Variants in PCDH15 observed in about 807,000 individuals in gnomAD.
PCDH15 encodes the protein protocadherin related 15.
A neutral mutation model predicts 178.5 loss-of-function variants in PCDH15; 129 were observed. The ratio of observed to expected loss-of-function variants is 0.72; its 90% confidence interval spans 0.63 to 0.84. PCDH15 has a LOEUF of 0.84. PCDH15 is among the 40% of genes least tolerant of loss of function. The probability of loss-of-function intolerance (pLI) is 0.00; values close to 1 mark genes in which losing one functional copy is unlikely to be tolerated. For synonymous variants in PCDH15, 800 were observed against 732.0 expected (o/e 1.09, Z -1.50); for missense variants, 2,230 against 2,099.9 (o/e 1.06, Z -1.21).
chr10:54,122,002 TAC>T (rs57135050), intron 15 of PCDH15, among the ~76,000 whole-genome samples: 273 of 146,440 alleles, frequency 1.9e-3, no homozygotes, highest in Non-Finnish European at 2.1e-3. Flanking sequence ...CAAAGACACA[TAC>T]ACACACACAC....
Position 54,150,308 on chromosome 10 carries a change from G to T in PCDH15, c.1784+2792C>A, listed in dbSNP as rs189199459. ...ATGAGAATCTAATACTCCACCAACCGTATCTCTGTGATTAATGATGATCAC... is the reference window on the plus strand; with the variant it reads ...ATGAGAATCTAATACTCCACCAACCTTATCTCTGTGATTAATGATGATCAC... On this transcript the variant is annotated intron_variant, in intron 14 of 37. Coordinates refer to ENST00000644397, the MANE Select transcript of PCDH15 (RefSeq NM_001384140.1). Among the ~76,000 whole-genome samples the T allele has an allele frequency of 3.4e-4, 51 of 152,152 alleles. No homozygotes were observed. In the South Asian group the frequency reaches 4.8e-3, roughly 14 times the overall value.
intron 8 of PCDH15, among the ~76,000 whole-genome samples, chr10:54,264,170 T>A (rs924610414): frequency 2.6e-5 from 4 of 152,148 alleles, no homozygotes; most frequent in African/African-American, 9.7e-5. Flanking sequence ...GGACTTTAAC[T>A]TGTGATTGTG....
At chr10:53,816,866 T>G (rs1207696249) in intron 34 of PCDH15, among the ~76,000 whole-genome samples, 1 of 152,224 alleles carries the variant, frequency 6.6e-6, no homozygotes, top group Non-Finnish European at 1.5e-5. Context: ...ATTATCAGAT[T>G]TGGTAGGAAT....
intron 2 of PCDH15, among the ~76,000 whole-genome samples, chr10:54,922,211 TC>T (rs986372002): frequency 2.6e-5 from 4 of 152,058 alleles, no homozygotes; most frequent in African/African-American, 9.7e-5. Flanking sequence ...AAGTCTTGAC[TC>T]ATTACAGCAT....
chr10:55,398,578 T>C (rs1262344024), intron 2 of PCDH15, among the ~76,000 whole-genome samples: 1 of 152,160 alleles, frequency 6.6e-6, no homozygotes, highest in Non-Finnish European at 1.5e-5. Context: ...AACAAATAAA[T>C]TCATAATTGT....
chr10:55,050,299 C>G (rs997768166), intron 2 of PCDH15, among the ~76,000 whole-genome samples: 14 of 151,884 alleles, frequency 9.2e-5, no homozygotes, highest in African/African-American at 3.1e-4. Context: ...GGTTAGTAAC[C>G]TTAATGACAC....
Position 54,719,692 on chromosome 10 carries a change from G to A in PCDH15, c.-28-55402C>T, listed in dbSNP as rs114000077. 2.1e-3 allele frequency among the ~76,000 whole-genome samples: 314 copies of A among 151,892 alleles called. 1 individual carries two copies. The highest frequency in any genetic ancestry group is 4.9e-3 in the African/African-American group (204 of 41,446). On this transcript the variant is annotated intron_variant, in intron 1 of 37. Transcript: ENST00000644397. ...TCCCTCACCTCAGCCGCCACCCCCC[G>A]ACTGGCCCCGGTGTGTTTTTTTCCC...
At chr10:54,524,326 T>A (rs938286442) in intron 3 of PCDH15, among the ~76,000 whole-genome samples, 8 of 150,854 alleles carry the variant, frequency 5.3e-5, no homozygotes, top group African/African-American at 2.0e-4. Flanking sequence ...TGTCTCTGCA[T>A]CTGTCCATTT....
chr10:54,406,694 A>C (rs1044929013), intron 3 of PCDH15, among the ~76,000 whole-genome samples: 2 of 152,122 alleles, frequency 1.3e-5, no homozygotes, highest in Non-Finnish European at 2.9e-5. Flanking sequence ...TGCTAGGACA[A>C]CTGGGTATCC....
At chr10:55,011,378 A>G (rs1199762229) in intron 2 of PCDH15, among the ~76,000 whole-genome samples, 1 of 152,140 alleles carries the variant, frequency 6.6e-6, no homozygotes. Flanking sequence ...ATGAAATTAA[A>G]ATATGGAAGA....
intron 28 of PCDH15, among the ~76,000 whole-genome samples, chr10:53,847,605 C>A (rs535457721): frequency 2.0e-5 from 3 of 152,146 alleles, no homozygotes; most frequent in African/African-American, 4.8e-5. Flanking sequence ...TGAAAGAGTT[C>A]TTTTGTCCCA....
intron 11 of PCDH15, among the ~76,000 whole-genome samples, chr10:54,191,555 C>T (rs1238339477): frequency 6.6e-6 from 1 of 152,014 alleles, no homozygotes; most frequent in African/African-American, 2.4e-5. Context: ...GTTCAGGTAT[C>T]AAGATACAGA....
chr10:53,879,530 G>A (rs925195528), intron 26 of PCDH15, among the ~76,000 whole-genome samples: 1 of 151,960 alleles, frequency 6.6e-6, no homozygotes, highest in East Asian at 1.9e-4. Flanking sequence ...GAATGCTGAA[G>A]GATTTACGAT....
intron 20 of PCDH15, among the ~76,000 whole-genome samples, chr10:54,004,896 C>T (rs2092328134): frequency 6.6e-6 from 1 of 150,680 alleles, no homozygotes; most frequent in Non-Finnish European, 1.5e-5. Context: ...ATCACATTAT[C>T]TGACTTTAAA....
intron 2 of PCDH15, among the ~76,000 whole-genome samples, chr10:54,617,522 TG>T (rs148806974): frequency 6.6e-6 from 1 of 151,986 alleles, no homozygotes; most frequent in East Asian, 1.9e-4. Context: ...TTTTGTGACC[TG>T]GGTACCTGGA....
At chr10:55,327,949 T>C (rs926290741) in intron 2 of PCDH15, among the ~76,000 whole-genome samples, 5 of 152,080 alleles carry the variant, frequency 3.3e-5, no homozygotes, top group Admixed American at 1.3e-4. Context: ...ACAAAACATA[T>C]GATTACTTCC....
At chr10:54,912,746 C>T (rs1954838999) in intron 2 of PCDH15, among the ~76,000 whole-genome samples, 1 of 152,048 alleles carries the variant, frequency 6.6e-6, no homozygotes, top group Non-Finnish European at 1.5e-5. Context: ...GTTTGGAGGG[C>T]TCAGAAAAAG....
intron 3 of PCDH15, among the ~76,000 whole-genome samples, chr10:54,394,938 C>T (rs10825319): frequency 0.24 from 36,603 of 152,060 alleles, 5,792 homozygotes; most frequent in East Asian, 0.82. Context: ...CTGCCCAGCT[C>T]ACCGGTGGTC....
intron 3 of PCDH15, among the ~76,000 whole-genome samples, chr10:54,398,034 C>A (rs1951464821): frequency 6.6e-6 from 1 of 151,864 alleles, no homozygotes; most frequent in African/African-American, 2.4e-5. Flanking sequence ...TTATCTTATT[C>A]ATTGCTTACT....
Sources: gnomAD v4.1 joint callset for allele counts (sites outside exome capture counted in the v4.1 genomes callset) on GRCh38, gnomAD v4.1.1 for gene constraint, MANE v1.5 for transcripts, NCBI Gene and HGNC (gene_info 2026-07-23, HGNC 2026-07-21) for gene names.